FBXO7: variants seen among roughly 807,000 people sequenced by gnomAD.
FBXO7 encodes the protein F-box protein 7, also known as F-box only protein 7.
Under a neutral mutation model 50.2 loss-of-function variants are expected in FBXO7, and 31 were observed. The observed-to-expected ratio is 0.62, with a 90% CI of 0.46 to 0.83. The LOEUF is 0.83. Among genes scored for constraint, FBXO7 ranks in the 40% least tolerant of loss-of-function variants. FBXO7 has a pLI of 0.00. For missense variants in FBXO7, 667 were observed against 646.6 expected (o/e 1.03, Z -0.34); for synonymous variants, 256 against 253.1 (o/e 1.01, Z -0.11).
chr22:32,490,886 G>T, intron 5 of FBXO7, 200 bp from the exon 6 acceptor site: 1 of 538,654 alleles, frequency 1.9e-6, no homozygotes. Context: ...TTGATATCAT[G>T]GAATTTTTAG....
intron 3 of FBXO7, among the ~76,000 whole-genome samples, chr22:32,484,782 G>A (rs1305629461): frequency 6.6e-6 from 1 of 152,150 alleles, no homozygotes; most frequent in East Asian, 1.9e-4. Context: ...GGCTTTGCTA[G>A]GAGAGAAGTG....
At chr22:32,496,407 A>C (rs1045004475) in intron 8 of FBXO7, among the ~76,000 whole-genome samples, 1 of 152,120 alleles carries the variant, frequency 6.6e-6, no homozygotes, top group Non-Finnish European at 1.5e-5. Context: ...GCTTGAACCC[A>C]GGAGGTGGAG....
chr22:32,480,458 G>A (rs2057457391), intron 2 of FBXO7, among the ~76,000 whole-genome samples: 2 of 150,124 alleles, frequency 1.3e-5, no homozygotes, highest in Admixed American at 6.7e-5. Flanking sequence ...CTGCTTGCAT[G>A]CATGTGCACA....
chr22:32,479,421 CAG>C (rs2057450417), intron 2 of FBXO7, 146 bp downstream of exon 2: 16 of 655,886 alleles, frequency 2.4e-5, no homozygotes, highest in Non-Finnish European at 3.3e-5. Flanking sequence ...TTTTTTGAGA[CAG>C]AGTCTCACTC....
chr22:32,486,425 C>G (rs1171095594), intron 4 of FBXO7, among the ~76,000 whole-genome samples: 1 of 152,042 alleles, frequency 6.6e-6, no homozygotes, highest in African/African-American at 2.4e-5. Flanking sequence ...CCTTGACCTC[C>G]TAGGCTCAAG....
chr22:32,492,836 A>G (rs758064944), intron 6 of FBXO7: 2 of 484,818 alleles, frequency 4.1e-6, no homozygotes, highest in African/African-American at 1.9e-5. Flanking sequence ...AGCAATTATC[A>G]TAGTTATTTG....
At chr22:32,483,029 A>G (rs1452341814) in intron 2 of FBXO7, among the ~76,000 whole-genome samples, 2 of 152,224 alleles carry the variant, frequency 1.3e-5, no homozygotes, top group Non-Finnish European at 2.9e-5. Context: ...ATAATGAGTC[A>G]GAGATCAGGT....
chr22:32,484,677 A>C (rs2057487138), intron 3 of FBXO7, among the ~76,000 whole-genome samples: 1 of 152,230 alleles, frequency 6.6e-6, no homozygotes, highest in African/African-American at 2.4e-5. Flanking sequence ...TATGAATAGA[A>C]TGCTAGGGGA....
In FBXO7 at chr22:32,490,987, G is replaced by C. The variant is rs1206496358; in HGVS notation, c.872-99G>C. 4 of 824,332 alleles carry C rather than the reference G, an allele frequency of 4.9e-6. No individual in the cohort carries two copies. In the African/African-American group the frequency reaches 6.8e-5, roughly 14 times the overall value. The allele number at this position is 824,332 out of a possible 1,614,324, so 51.1% of individuals were successfully genotyped here. A position where few individuals can be genotyped will look rare whatever the true frequency, so the allele number is the denominator to read the frequency against. ...TCATGCTTATCTTTGTGAATTATTT[G>C]TGAATATTTATTCACCATGTTGATT... is the stretch of plus-strand genomic sequence containing the variant. On this transcript the variant is annotated intron_variant, in intron 5 of 8. Transcript: ENST00000266087.
At chr22:32,485,278 A>G in intron 4 of FBXO7, 69 bp downstream of exon 4, 1 of 1,588,590 alleles carries the variant, frequency 6.3e-7, no homozygotes. Context: ...AATGTTTTAT[A>G]GCCACTTCAG....
chr22:32,496,826 C>G (rs1452691798), intron 8 of FBXO7, among the ~76,000 whole-genome samples: 1 of 152,126 alleles, frequency 6.6e-6, no homozygotes, highest in African/African-American at 2.4e-5. Context: ...GCCATAGTTG[C>G]CAGAGATGGT....
At chr22:32,487,163 T>G (rs2057503841) in intron 4 of FBXO7, 1 of 152,328 alleles carries the variant, frequency 6.6e-6, no homozygotes, top group African/African-American at 2.4e-5. Context: ...TTTAAATCTT[T>G]CCTTCACCCA....
At chr22:32,490,992 T>C in intron 5 of FBXO7, 94 bp from the exon 6 acceptor site, 1 of 853,234 alleles carries the variant, frequency 1.2e-6, no homozygotes. Context: ...TATTTGTGAA[T>C]ATTTATTCAC....
intron 2 of FBXO7, among the ~76,000 whole-genome samples, chr22:32,479,777 GTGTC>G (rs1156527216): frequency 1.3e-5 from 2 of 152,134 alleles, no homozygotes; most frequent in South Asian, 2.1e-4. Flanking sequence ...AAAGTACCTA[GTGTC>G]TGTCTGTTTT....
intron 1 of FBXO7, 179 bp downstream of exon 1, chr22:32,475,303 C>G: frequency 1.9e-6 from 3 of 1,602,850 alleles, no homozygotes; most frequent in South Asian, 1.1e-5. Context: ...GTCGCGGAGC[C>G]GGAGGGTGCA....
intron 5 of FBXO7, chr22:32,488,961 C>T (rs1361229098): frequency 3.3e-5 from 5 of 152,136 alleles, no homozygotes; most frequent in Admixed American, 3.3e-4. Context: ...AGGCGCACAC[C>T]ACCACGCCCA....
rs1208334441 is a variant in FBXO7, at chr22:32,498,297, G to T, written c.1336G>T (p.Gly446Cys). 6.2e-7 allele frequency: 1 copy of T among 1,613,936 alleles called. No homozygotes were observed. The highest frequency in any genetic ancestry group is 8.5e-7 in the Non-Finnish European group (1 of 1,180,016). The change falls in exon 9 of 9, where the codon GGT becomes TGT. Residue 446 changes from glycine (G) to cysteine (C), a missense_variant. Gly to Cys is a radical substitution (Grantham distance 159). Coordinates refer to ENST00000266087, the MANE Select transcript of FBXO7 (RefSeq NM_012179.4). ...CCGCCTTCCTCCAGGAATTATCGGG[G>T]GTGAATATGACCAAAGACCAACACT... ...SSRLPPGIIG[G>C]EYDQRPTLPY...
intron 7 of FBXO7, among the ~76,000 whole-genome samples, chr22:32,493,789 T>C (rs563709800): frequency 6.6e-6 from 1 of 152,284 alleles, no homozygotes; most frequent in East Asian, 1.9e-4. Context: ...AACTTTTTTT[T>C]CTGCTACCAC....
At chr22:32,489,328 C>T (rs2087789952) in intron 5 of FBXO7, 1 of 152,188 alleles carries the variant, frequency 6.6e-6, no homozygotes, top group African/African-American at 2.4e-5. Flanking sequence ...GTTTTTGCCC[C>T]TGTTGGAAAT....
Sources: gnomAD v4.1 joint callset for allele counts (sites outside exome capture counted in the v4.1 genomes callset) on GRCh38, gnomAD v4.1.1 for gene constraint, MANE v1.5 for transcripts, NCBI Gene and HGNC (gene_info 2026-07-23, HGNC 2026-07-21) for gene names.